ENPP2: variants seen among roughly 807,000 people sequenced by gnomAD.
ENPP2 encodes ectonucleotide pyrophosphatase/phosphodiesterase 2, also known as autotaxin.
A neutral mutation model predicts 120.2 loss-of-function variants in ENPP2; 51 were observed. The ratio of observed to expected loss-of-function variants is 0.42; its 90% CI spans 0.34 to 0.54. The LOEUF (loss-of-function observed/expected upper bound fraction) is 0.54, where lower values mean the gene tolerates loss of function less well. Among genes scored for constraint, ENPP2 ranks in the 20% least tolerant of loss-of-function variants. ENPP2 has a pLI of 0.04. For synonymous variants in ENPP2, 365 were observed against 366.4 expected (o/e 1.00, Z 0.04); for missense variants, 920 against 1,066.5 (o/e 0.86, Z 1.91).
At chr8:119,655,460 T>C (rs1368468286) in intron 1 of ENPP2, among the ~76,000 whole-genome samples, 2 of 152,244 alleles carry the variant, frequency 1.3e-5, no homozygotes, top group Non-Finnish European at 2.9e-5. Context: ...CTGGCTTGTT[T>C]AGAATCATGA....
chr8:119,584,796 A>C (rs979035527), intron 15 of ENPP2, among the ~76,000 whole-genome samples: 1 of 152,228 alleles, frequency 6.6e-6, no homozygotes, highest in Non-Finnish European at 1.5e-5. Context: ...CTTTTCCAAA[A>C]TAGCTTTCAT....
At chr8:119,572,523 T>C in intron 19 of ENPP2, 1 of 399,350 alleles carries the variant, frequency 2.5e-6, no homozygotes, top group Non-Finnish European at 4.6e-6. Context: ...CGTAACACTC[T>C]ATTCCACAAA....
At chr8:119,660,883 G>A (rs932591603) in intron 1 of ENPP2, among the ~76,000 whole-genome samples, 1 of 152,124 alleles carries the variant, frequency 6.6e-6, no homozygotes, top group Admixed American at 6.5e-5. Context: ...CAAACAGAAG[G>A]CAGCCGCACA....
chr8:119,655,984 C>G (rs1289226054), intron 1 of ENPP2, among the ~76,000 whole-genome samples: 1 of 152,188 alleles, frequency 6.6e-6, no homozygotes, highest in Non-Finnish European at 1.5e-5. Context: ...AACTGATTCT[C>G]TTACGGACAG....
At position 119,638,591 on chromosome 8, in the gene ENPP2, A is replaced by C. The variant is rs966729026; in HGVS notation, c.34-64T>G. 8.1e-6 allele frequency: 9 copies of C among 1,111,234 alleles called. No homozygotes were observed. In the Admixed American group the frequency reaches 1.3e-4, roughly 17 times the overall value. The allele number at this position is 1,111,234 out of a possible 1,614,324, so 68.8% of individuals were successfully genotyped here. A position where few individuals can be genotyped will look rare whatever the true frequency, so the allele number is the denominator to read the frequency against. ...GAGAAGACTAAATCAAATTACACAA[A>C]GGTGATTCAAATGGCTTCAATATCA... is the stretch of plus-strand genomic sequence containing the variant. On this transcript the variant is annotated intron_variant, in intron 1 of 24. Coordinates refer to ENST00000075322, the MANE Select transcript of ENPP2 (RefSeq NM_001040092.3).
chr8:119,592,464 A>T (rs1455346479), intron 12 of ENPP2, among the ~76,000 whole-genome samples: 2 of 131,176 alleles, frequency 1.5e-5, no homozygotes, highest in Non-Finnish European at 3.1e-5. Flanking sequence ...TGAGAGTGAA[A>T]CTCCACCTCA....
At chr8:119,588,183 T>C (rs1563700903) in intron 13 of ENPP2, among the ~76,000 whole-genome samples, 1 of 152,068 alleles carries the variant, frequency 6.6e-6, no homozygotes, top group African/African-American at 2.4e-5. Context: ...AAATAAGTAA[T>C]AATGTAATAA....
At chr8:119,657,574 C>A (rs115684286) in intron 1 of ENPP2, among the ~76,000 whole-genome samples, 4 of 152,284 alleles carry the variant, frequency 2.6e-5, no homozygotes, top group Middle Eastern at 3.4e-3. Context: ...ATTAGCGATG[C>A]GGTCAACATG....
intron 1 of ENPP2, among the ~76,000 whole-genome samples, chr8:119,670,148 C>G (rs903950510): frequency 7.2e-5 from 11 of 152,172 alleles, no homozygotes; most frequent in Non-Finnish European, 1.6e-4. Context: ...AAAGGCCTTT[C>G]TTGCAGCTCT....
intron 11 of ENPP2, among the ~76,000 whole-genome samples, chr8:119,595,632 G>A (rs114465436): frequency 0.011 from 1,674 of 152,214 alleles, 32 homozygotes; most frequent in African/African-American, 0.038. Context: ...TTAAAAAAAG[G>A]AAAAGACTTC....
chr8:119,627,077 G>A (rs1191129602), intron 2 of ENPP2, among the ~76,000 whole-genome samples: 1 of 151,988 alleles, frequency 6.6e-6, no homozygotes, highest in Non-Finnish European at 1.5e-5. Context: ...GATGATTAGT[G>A]CCCCTGTGGG....
chr8:119,604,285 C>G (rs892113446), intron 9 of ENPP2, among the ~76,000 whole-genome samples: 6 of 152,122 alleles, frequency 3.9e-5, no homozygotes. Context: ...GCTTCAGCCT[C>G]CCAAAGTGCT....
intron 9 of ENPP2, among the ~76,000 whole-genome samples, chr8:119,604,193 A>C (rs553768554): frequency 6.6e-5 from 10 of 152,054 alleles, no homozygotes; most frequent in Admixed American, 5.9e-4. Flanking sequence ...ACGCCTGGCT[A>C]ATTTTTGTAT....
intron 18 of ENPP2, among the ~76,000 whole-genome samples, chr8:119,581,497 T>C (rs4871360): frequency 0.59 from 89,225 of 151,748 alleles, 27,740 homozygotes; most frequent in African/African-American, 0.78. Flanking sequence ...GGTAGCACTC[T>C]CCTATCTGGG....
chr8:119,593,600 C>A, intron 12 of ENPP2, 152 bp downstream of exon 12: 1 of 581,704 alleles, frequency 1.7e-6, no homozygotes, highest in South Asian at 2.4e-5. Context: ...TCATACTTTT[C>A]AATCATGGCC....
intron 8 of ENPP2, among the ~76,000 whole-genome samples, chr8:119,609,616 C>A (rs1184808033): frequency 1.3e-5 from 2 of 152,168 alleles, no homozygotes; most frequent in Non-Finnish European, 2.9e-5. Context: ...AGCACCTCCA[C>A]CAGCAAGAAG....
At chr8:119,653,306 G>A (rs1817677405) in intron 1 of ENPP2, among the ~76,000 whole-genome samples, 1 of 152,208 alleles carries the variant, frequency 6.6e-6, no homozygotes, top group Admixed American at 6.5e-5. Flanking sequence ...TGAGGATGCA[G>A]CCTCTGCCCC....
chr8:119,646,826 C>T (rs1817482595), intron 1 of ENPP2, among the ~76,000 whole-genome samples: 1 of 152,138 alleles, frequency 6.6e-6, no homozygotes, highest in Admixed American at 6.5e-5. Context: ...CCTTAACATA[C>T]ATTGTTGCTT....
At chr8:119,613,776 GGGATACA>G (rs1815270933) in intron 8 of ENPP2, among the ~76,000 whole-genome samples, 1 of 151,818 alleles carries the variant, frequency 6.6e-6, no homozygotes, top group South Asian at 2.1e-4. Context: ...GCATATTTAT[GGGATACA>G]GTGTGATGTT....
Sources: gnomAD v4.1 joint callset for allele counts (sites outside exome capture counted in the v4.1 genomes callset) on GRCh38, gnomAD v4.1.1 for gene constraint, MANE v1.5 for transcripts, NCBI Gene and HGNC (gene_info 2026-07-23, HGNC 2026-07-21) for gene names.